LINGO2: variants seen among roughly 807,000 people sequenced by gnomAD.
LINGO2 encodes the protein leucine rich repeat and Ig domain containing 2.
Under a neutral mutation model 30.6 loss-of-function variants are expected in LINGO2, and 14 were observed. The observed-to-expected ratio is 0.46, with a 90% CI of 0.30 to 0.72. The LOEUF (loss-of-function observed/expected upper bound fraction) is 0.72, where lower values mean the gene tolerates loss of function less well. Among genes scored for constraint, LINGO2 ranks in the 30% least tolerant of loss-of-function variants. The probability of loss-of-function intolerance (pLI) is 0.07; values close to 1 mark genes in which losing one functional copy is unlikely to be tolerated. For missense variants in LINGO2, 729 were observed against 751.7 expected, an observed-to-expected ratio of 0.97 and a Z score of 0.35; for synonymous variants, 317 against 288.5, an observed-to-expected ratio of 1.10 and a Z score of -1.00.
the LINGO2 span, among the ~76,000 whole-genome samples, chr9:28,835,645 CT>C: frequency 6.6e-6 from 1 of 152,224 alleles, no homozygotes; most frequent in Admixed American, 6.5e-5. Context: ...TTGAGAGCCA[CT>C]GATCAACTGA....
intron 4 of LINGO2, among the ~76,000 whole-genome samples, chr9:28,170,881 CCTTAT>C (rs1220584837): frequency 6.6e-6 from 1 of 152,180 alleles, no homozygotes; most frequent in Admixed American, 6.5e-5. Context: ...ATCTCAAGAT[CCTTAT>C]CTTAATGACA....
chr9:28,531,296 T>A (rs1435461271), intron 1 of LINGO2, among the ~76,000 whole-genome samples: 2 of 152,022 alleles, frequency 1.3e-5, no homozygotes, highest in African/African-American at 4.8e-5. Flanking sequence ...GCAACCTCTG[T>A]CCCTTCCATC....
the LINGO2 span, among the ~76,000 whole-genome samples, chr9:28,825,893 G>A: frequency 1.3e-5 from 2 of 152,090 alleles, no homozygotes; most frequent in Non-Finnish European, 2.9e-5. Flanking sequence ...CTATTTTTCT[G>A]AGCAGAATTT....
At chr9:29,117,825 G>T in the LINGO2 span, among the ~76,000 whole-genome samples, 9 of 152,068 alleles carry the variant, frequency 5.9e-5, no homozygotes, top group African/African-American at 2.2e-4. Context: ...GTACTTTATC[G>T]AGTTTGTTCT....
chr9:28,159,646 AC>A (rs1828231821), intron 4 of LINGO2, among the ~76,000 whole-genome samples: 1 of 147,552 alleles, frequency 6.8e-6, no homozygotes, highest in South Asian at 2.2e-4. Context: ...TGAAAAAAAA[AC>A]AAAGACTAGT....
chr9:28,201,195 T>A (rs988095389), intron 4 of LINGO2, among the ~76,000 whole-genome samples: 1 of 149,662 alleles, frequency 6.7e-6, no homozygotes, highest in Non-Finnish European at 1.5e-5. Context: ...TCATCTAGCA[T>A]TAGGTATATC....
At chr9:28,716,984 A>T in the LINGO2 span, among the ~76,000 whole-genome samples, 1 of 152,080 alleles carries the variant, frequency 6.6e-6, no homozygotes, top group Admixed American at 6.6e-5. Flanking sequence ...AAAATCTGCT[A>T]TACAATTATA....
At chr9:28,366,300 A>G (rs534580305) in intron 3 of LINGO2, among the ~76,000 whole-genome samples, 13 of 152,228 alleles carry the variant, frequency 8.5e-5, no homozygotes, top group Non-Finnish European at 1.8e-4. Flanking sequence ...ATTGTATTTC[A>G]TCCCTCTTAT....
intron 4 of LINGO2, among the ~76,000 whole-genome samples, chr9:28,073,152 A>C (rs1825529131): frequency 6.6e-6 from 1 of 151,972 alleles, no homozygotes; most frequent in Non-Finnish European, 1.5e-5. Context: ...CTGACCACCC[A>C]CTAGGCTTCT....
intron 1 of LINGO2, among the ~76,000 whole-genome samples, chr9:28,637,939 T>C (rs1827364484): frequency 6.6e-6 from 1 of 152,192 alleles, no homozygotes; most frequent in African/African-American, 2.4e-5. Context: ...GCCCATTCAA[T>C]ATGATATTGG....
chr9:28,348,098 A>C (rs183076286), intron 3 of LINGO2, among the ~76,000 whole-genome samples: 27 of 152,296 alleles, frequency 1.8e-4, no homozygotes, highest in African/African-American at 6.5e-4. Context: ...ATTGTAATCT[A>C]ATGAAGAAAT....
the LINGO2 span, among the ~76,000 whole-genome samples, chr9:29,085,903 C>T: frequency 6.6e-6 from 1 of 152,132 alleles, no homozygotes; most frequent in Non-Finnish European, 1.5e-5. Context: ...CATGCTTAGC[C>T]TCTACACTAC....
the LINGO2 span, among the ~76,000 whole-genome samples, chr9:28,707,127 C>A: frequency 4.3e-4 from 65 of 152,118 alleles, no homozygotes; most frequent in African/African-American, 1.5e-3. Context: ...CTTTTGCTCA[C>A]AACTGTATTC....
At chr9:28,624,833 G>C (rs1252767268) in intron 1 of LINGO2, among the ~76,000 whole-genome samples, 1 of 151,224 alleles carries the variant, frequency 6.6e-6, no homozygotes, top group East Asian at 2.0e-4. Context: ...CTCTACTGTG[G>C]CTGAGCTGAT....
At chr9:28,852,619 A>C in the LINGO2 span, among the ~76,000 whole-genome samples, 1 of 152,020 alleles carries the variant, frequency 6.6e-6, no homozygotes, top group Non-Finnish European at 1.5e-5. Context: ...AACAGCTTAG[A>C]TATTAAGACC....
At chr9:28,520,034 T>A (rs1381183779) in intron 1 of LINGO2, among the ~76,000 whole-genome samples, 1 of 152,212 alleles carries the variant, frequency 6.6e-6, no homozygotes, top group African/African-American at 2.4e-5. Flanking sequence ...CCATAACATA[T>A]CAATTTGTTT....
the LINGO2 span, among the ~76,000 whole-genome samples, chr9:28,802,385 A>G: frequency 3.9e-5 from 6 of 152,170 alleles, no homozygotes; most frequent in Admixed American, 2.6e-4. Context: ...TTTAATCTGT[A>G]AGATGAGCAG....
intron 1 of LINGO2, among the ~76,000 whole-genome samples, chr9:28,538,962 T>C (rs932052764): frequency 6.6e-6 from 1 of 151,962 alleles, no homozygotes; most frequent in African/African-American, 2.4e-5. Flanking sequence ...AATAAAAAAA[T>C]CCATATATAT....
At chr9:28,119,963 C>T (rs1827046054) in intron 4 of LINGO2, among the ~76,000 whole-genome samples, 1 of 151,994 alleles carries the variant, frequency 6.6e-6, no homozygotes, top group African/African-American at 2.4e-5. Flanking sequence ...TTCTTTATTC[C>T]CAACATACCT....
Sources: allele counts gnomAD v4.1 joint callset (sites outside exome capture counted in the v4.1 genomes callset), GRCh38; gene constraint gnomAD v4.1.1; transcripts MANE v1.5; gene names NCBI Gene and HGNC (gene_info 2026-07-23, HGNC 2026-07-21).